Variants in DNAH7 observed in about 807,000 individuals in gnomAD.
DNAH7 encodes dynein axonemal heavy chain 7.
In DNAH7, 397 loss-of-function variants were observed where a neutral mutation model predicts 444.6. That is an observed-to-expected ratio of 0.89 (90% CI 0.82 to 0.97). The LOEUF (loss-of-function observed/expected upper bound fraction) is 0.97. Among genes scored for constraint, DNAH7 ranks in the 50% least tolerant of loss-of-function variants. The pLI is 0.00. For synonymous variants in DNAH7, 1,636 were observed against 1,624.4 expected, an observed-to-expected ratio of 1.01 and a Z score of -0.17; for missense variants, 4,902 against 4,800.8, an observed-to-expected ratio of 1.02 and a Z score of -0.62.
Position 195,770,447 on chromosome 2 carries a change from C to T in DNAH7, c.11433+1213G>A, listed in dbSNP as rs141968314. On this transcript the variant is annotated intron_variant, in intron 61 of 64. Coordinates refer to ENST00000312428, the MANE Select transcript of DNAH7 (RefSeq NM_018897.3). ...AGTATTAGGGTCTGTCTCATGCTCA[C>T]TCCACTCTAGCCAATCAGCCTTTCT... Among the ~76,000 whole-genome samples, 5 of 152,284 alleles carry T rather than the reference C, an allele frequency of 3.3e-5. No individual in the cohort carries two copies. In the East Asian group the frequency reaches 9.7e-4, roughly 29 times the overall value.
Position 196,047,461 on chromosome 2 carries a change from G to C in DNAH7, c.289C>G (p.Pro97Ala), listed in dbSNP as rs1394266386. 1.9e-6 allele frequency: 3 copies of C among 1,597,930 alleles called. No individual in the cohort carries two copies. Among genetic ancestry groups the C allele is most frequent in the African/African-American group, 2.7e-5 (2 of 74,262 alleles). The change falls in exon 5 of 65, where the codon CCC becomes GCC. Residue 97 changes from proline (P) to alanine (A), a missense_variant. Pro to Ala is a conservative substitution (Grantham distance 27, BLOSUM62 -1). Transcript: ENST00000312428. Reference sequence around the variant, plus strand: ...ACATAACTATCATCAACTTGGTGGGGTAATTTGCCCTTTTTTCCAAAACGT... The same window carrying C: ...ACATAACTATCATCAACTTGGTGGGCTAATTTGCCCTTTTTTCCAAAACGT... Reference protein sequence around the residue: ...MERFGKKGKLPHQVDDSYVGP... With the variant: ...MERFGKKGKLAHQVDDSYVGP...
rs1688156500 is a variant in DNAH7, at chr2:195,923,652, T to G, written c.3768A>C (p.Lys1256Asn). 6.2e-7 allele frequency: 1 copy of G among 1,614,040 alleles called. No individual in the cohort carries two copies. The highest frequency in any genetic ancestry group is 1.7e-5 in the Admixed American group (1 of 60,008). The change falls in exon 23 of 65, where the codon AAA becomes AAC. Residue 1256 changes from lysine to asparagine, a missense_variant. Lys to Asn is a moderately conservative substitution (Grantham distance 94). Coordinates refer to ENST00000312428, the MANE Select transcript of DNAH7 (RefSeq NM_018897.3). The stretch of plus-strand genomic sequence containing the variant: ...CAAAGTCAGAGTCATCGCTAATATT[T>G]TTTTTTACAAGTGATGAGAGGACAT... ...ARDVLSSLVKKNISDDSDFEW... is the reference protein window; with the variant it reads ...ARDVLSSLVKNNISDDSDFEW...
chr2:195,936,694 T>C lies in DNAH7; in HGVS notation c.3177A>G (p.Glu1059=), dbSNP rs943057227. 5 of 1,605,160 alleles carry C rather than the reference T, an allele frequency of 3.1e-6. No homozygotes were observed. The African/African-American group carries it at 4.0e-5, about 13-fold the overall frequency. The change falls in exon 20 of 65, where the codon GAA becomes GAG. Residue 1059 remains glutamate, a synonymous_variant. Coordinates refer to ENST00000312428, the MANE Select transcript of DNAH7 (RefSeq NM_018897.3). ...AAAAGAGGCGTTTCTTTTCCAAATA[T>C]TCATTAAGTCCTTTAAGAATGAGCT... ...LLELILKGLN[E]YLEKKRLFFP... is the part of the protein sequence containing the mutation.
chr2:195,781,537 A>T (rs1574422854), intron 58 of DNAH7, among the ~76,000 whole-genome samples: 1 of 151,924 alleles, frequency 6.6e-6, no homozygotes, highest in South Asian at 2.1e-4. Context: ...TGCTGCTTGG[A>T]TTGCTTCCCT....
intron 1 of DNAH7, among the ~76,000 whole-genome samples, chr2:196,065,094 G>C (rs1324907823): frequency 6.6e-6 from 1 of 151,976 alleles, no homozygotes; most frequent in Non-Finnish European, 1.5e-5. Flanking sequence ...TATCTGTAGG[G>C]CAATTCCCTC....
intron 48 of DNAH7, among the ~76,000 whole-genome samples, chr2:195,828,608 A>AT (rs1424768632): frequency 3.2e-4 from 34 of 105,282 alleles, no homozygotes; most frequent in African/African-American, 1.1e-3. Flanking sequence ...ATATATATAT[A>AT]TATTTTTTTT....
Position 195,900,408 on chromosome 2 carries a change from A to G in DNAH7, c.4422T>C (p.Ala1474=). The G allele has an allele frequency of 6.2e-7, 1 of 1,614,090 alleles. No homozygotes were observed. Among genetic ancestry groups the G allele is most frequent in the Non-Finnish European group, 8.5e-7 (1 of 1,179,938 alleles). The change falls in exon 28 of 65, where the codon GCT becomes GCC. Residue 1474 remains alanine, a synonymous_variant. Transcript: ENST00000312428. ...CCACAATTTTTACAGACAGTGGTCGAGCAGTGACAAACCCACAGGAGTATA... is the reference window on the plus strand; with the variant it reads ...CCACAATTTTTACAGACAGTGGTCGGGCAGTGACAAACCCACAGGAGTATA... ...IVLYSCGFVT[A]RPLSVKIVAT...
chr2:195,908,455 A>G (rs543995689), intron 25 of DNAH7, among the ~76,000 whole-genome samples: 39 of 151,842 alleles, frequency 2.6e-4, no homozygotes, highest in Admixed American at 5.9e-4. Flanking sequence ...GCGCCCTTCC[A>G]TTTCTATCAT....
chr2:195,957,383 T>G lies in DNAH7; in HGVS notation c.2956A>C (p.Thr986Pro). Reference protein sequence around the residue: ...ILDEWLKVQATWLYLEPIFSS... With the variant: ...ILDEWLKVQAPWLYLEPIFSS... Reference sequence around the variant, plus strand: ...AAAATGGGCTCCAGATACAGCCACGTGGCTTGGACTTTGAGCCATTCATCC... The same window carrying G: ...AAAATGGGCTCCAGATACAGCCACGGGGCTTGGACTTTGAGCCATTCATCC... The change falls in exon 19 of 65, where the codon ACG (threonine) becomes CCG (proline). Residue 986 changes from threonine to proline, a missense_variant. Transcript: ENST00000312428. 3 of 1,604,124 alleles carry G rather than the reference T, an allele frequency of 1.9e-6. No homozygotes were observed. In the South Asian group the frequency reaches 3.3e-5, roughly 18 times the overall value.
At chr2:195,778,691 CACAT>C in intron 58 of DNAH7, among the ~76,000 whole-genome samples, 6 of 87,730 alleles carry the variant, frequency 6.8e-5, no homozygotes, top group Non-Finnish European at 8.3e-5. Flanking sequence ...CATATATATA[CACAT>C]ATATATATAC....
chr2:195,972,165 AT>A, intron 16 of DNAH7, 76 bp downstream of exon 16: 1 of 1,217,728 alleles, frequency 8.2e-7, no homozygotes, highest in Non-Finnish European at 1.2e-6. Context: ...CTCAAATAAA[AT>A]AATTGACAAT....
intron 15 of DNAH7, among the ~76,000 whole-genome samples, chr2:195,977,350 T>C (rs1391375739): frequency 2.0e-5 from 3 of 152,146 alleles, no homozygotes; most frequent in East Asian, 3.8e-4. Flanking sequence ...GAAAATGTAA[T>C]TGACATACTG....
rs777759758 is a variant in DNAH7 at position 195,923,583 on chromosome 2, G to T, written c.3825+12C>A. 2.5e-6 allele frequency: 4 copies of T among 1,612,344 alleles called. No homozygotes were observed. The African/African-American group carries it at 5.3e-5, about 22-fold the overall frequency. The stretch of plus-strand genomic sequence containing the variant: ...ATTGCTGTGTAATATAACATTCAGT[G>T]ATACCACTTACTTGCCAGTAGTACC... On this transcript the variant is annotated intron_variant, in intron 23 of 64. Transcript: ENST00000312428.
intron 41 of DNAH7, 38 bp downstream of exon 41, chr2:195,864,111 C>T: frequency 1.3e-6 from 2 of 1,583,508 alleles, no homozygotes; most frequent in East Asian, 2.3e-5. Flanking sequence ...GGAAATTCAA[C>T]ATTTCTAGAA....
In DNAH7 at chr2:195,922,199, T is replaced by C; in HGVS notation, c.3826-2A>G. 6.5e-7 allele frequency: 1 copy of C among 1,549,648 alleles called. No homozygotes were observed. The highest frequency in any genetic ancestry group is 1.1e-5 in the South Asian group (1 of 88,874). ...CATTTTTGTTTCTAAATGATTTTCCTAGGATAAATCAAATAAAATGAAGTT... is the reference window on the plus strand; with the variant it reads ...CATTTTTGTTTCTAAATGATTTTCCCAGGATAAATCAAATAAAATGAAGTT... On this transcript the variant is annotated splice_acceptor_variant, in intron 23 of 64. Coordinates refer to ENST00000312428, the MANE Select transcript of DNAH7 (RefSeq NM_018897.3). LOFTEE classifies it high-confidence loss of function.
In DNAH7 at chr2:195,771,701, T is replaced by A; in HGVS notation, c.11392A>T (p.Thr3798Ser). 1 of 1,614,128 alleles carries A rather than the reference T, an allele frequency of 6.2e-7. No homozygotes were observed. Among genetic ancestry groups the A allele is most frequent in the Non-Finnish European group, 8.5e-7 (1 of 1,179,986 alleles). The part of the protein sequence containing the change: ...EMGRFNKLLK[T>S]IRDSCVNIQK... ...ATATTTACGCACGAATCTCTTATGG[T>A]CTTCAGTAACTTATTGAACCGTCCC... The change falls in exon 61 of 65, where the codon ACC (threonine) becomes TCC (serine). Residue 3798 changes from threonine (T) to serine (S), a missense_variant. By Grantham distance (58) the Thr-to-Ser change is moderately conservative (BLOSUM62 1). Coordinates refer to ENST00000312428, the MANE Select transcript of DNAH7 (RefSeq NM_018897.3).
intron 54 of DNAH7, among the ~76,000 whole-genome samples, chr2:195,806,175 T>C (rs1398704566): frequency 1.3e-5 from 2 of 152,154 alleles, no homozygotes; most frequent in East Asian, 1.9e-4. Context: ...AATTTTTTTA[T>C]CTAATACAAA....
intron 9 of DNAH7, among the ~76,000 whole-genome samples, chr2:196,017,060 G>A (rs1289096450): frequency 6.6e-6 from 1 of 152,140 alleles, no homozygotes; most frequent in African/African-American, 2.4e-5. Flanking sequence ...AAGCTGGAGT[G>A]CACTGGCATG....
At position 195,845,014 on chromosome 2, in the gene DNAH7, CCATTAT is replaced by C. The variant is rs1419201409; in HGVS notation, c.8927_8932del (p.Asp2976_Asn2977del). ...ATATTTTTCTTACATTATGATTATCCCATTATCAATGGAAAATGAGTCAGAAGGTAA... is the reference window on the plus strand; with the variant it reads ...ATATTTTTCTTACATTATGATTATCCCAATGGAAAATGAGTCAGAAGGTAA... On this transcript the variant is annotated inframe_deletion, in exon 47 of 65. Coordinates refer to ENST00000312428, the MANE Select transcript of DNAH7 (RefSeq NM_018897.3). 5 of 1,612,680 alleles carry C rather than the reference CCATTAT, an allele frequency of 3.1e-6. No homozygotes were observed. Among genetic ancestry groups the C allele is most frequent in the Non-Finnish European group, 4.2e-6 (5 of 1,179,492 alleles).
Sources: allele counts gnomAD v4.1 joint callset (sites outside exome capture counted in the v4.1 genomes callset), GRCh38; gene constraint gnomAD v4.1.1; transcripts MANE v1.5; gene names NCBI Gene and HGNC (gene_info 2026-07-23, HGNC 2026-07-21).